Variants in CAMK4 observed in about 807,000 individuals in gnomAD.
The protein encoded by CAMK4 is calcium/calmodulin-dependent protein kinase type IV.
CAMK4 carries 22 observed loss-of-function variants against 44.9 expected under a neutral mutation model. That is an observed-to-expected ratio of 0.49 (90% CI 0.35 to 0.70). The LOEUF (loss-of-function observed/expected upper bound fraction) is 0.70, where lower values mean the gene tolerates loss of function less well. CAMK4 is among the 30% of genes least tolerant of loss of function. The pLI, the probability that CAMK4 is intolerant of heterozygous loss-of-function variation, is 0.01. For missense variants in CAMK4, 498 were observed against 586.8 expected (o/e 0.85, Z 1.56); for synonymous variants, 218 against 215.4 (o/e 1.01, Z -0.11).
chr5:111,430,961 T>C (rs1332857436), intron 5 of CAMK4, among the ~76,000 whole-genome samples: 1 of 152,000 alleles, frequency 6.6e-6, no homozygotes, highest in Non-Finnish European at 1.5e-5. Flanking sequence ...ACTCCTAAAT[T>C]TTATATGGAA....
chr5:111,318,629 C>T (rs745917121), intron 1 of CAMK4, among the ~76,000 whole-genome samples: 1 of 152,132 alleles, frequency 6.6e-6, no homozygotes, highest in Non-Finnish European at 1.5e-5. Flanking sequence ...AGCAGTGCCA[C>T]TTCTAATTCT....
At chr5:111,316,373 C>G (rs1748424128) in intron 1 of CAMK4, among the ~76,000 whole-genome samples, 1 of 152,182 alleles carries the variant, frequency 6.6e-6, no homozygotes, top group South Asian at 2.1e-4. Context: ...ACTCCACAGA[C>G]ATTTGCCCAG....
At chr5:111,356,801 A>G (rs896648305) in intron 2 of CAMK4, among the ~76,000 whole-genome samples, 4 of 152,168 alleles carry the variant, frequency 2.6e-5, no homozygotes, top group Non-Finnish European at 4.4e-5. Flanking sequence ...TTTGTCAAAG[A>G]TCAGATAGTT....
chr5:111,293,894 C>T (rs1747380871), intron 1 of CAMK4, among the ~76,000 whole-genome samples: 1 of 151,722 alleles, frequency 6.6e-6, no homozygotes, highest in Non-Finnish European at 1.5e-5. Flanking sequence ...CTACAGGTGC[C>T]CGCCACCATG....
At chr5:111,262,172 T>C (rs993957000) in intron 1 of CAMK4, among the ~76,000 whole-genome samples, 1 of 115,996 alleles carries the variant, frequency 8.6e-6, no homozygotes, top group Non-Finnish European at 1.8e-5. Flanking sequence ...CTAGACTAGC[T>C]AAACGGGCAA....
chr5:111,317,898 T>TAAAGAAAAAAAA (rs1748495492), intron 1 of CAMK4, among the ~76,000 whole-genome samples: 1 of 69,820 alleles, frequency 1.4e-5, no homozygotes, highest in Non-Finnish European at 2.6e-5. Flanking sequence ...GAGTAATATG[T>TAAAGAAAAAAAA]AAAAAAAAAA....
Position 111,267,416 on chromosome 5 carries a change from A to G in CAMK4, c.161+42772A>G, listed in dbSNP as rs144073783. On this transcript the variant is annotated intron_variant, in intron 1 of 10. Coordinates refer to ENST00000282356, the MANE Select transcript of CAMK4 (RefSeq NM_001744.6). ...TATTACATCTGTGTTTTCCTTCTAC[A>G]TTAAGAATTTTCATTCTGGGCCGGG... 4.5e-3 allele frequency among the ~76,000 whole-genome samples: 687 copies of G among 152,290 alleles called. 5 individuals are homozygous for G. Among genetic ancestry groups the G allele is most frequent in the African/African-American group, 0.016 (646 of 41,558 alleles).
intron 5 of CAMK4, among the ~76,000 whole-genome samples, chr5:111,432,622 GTA>G (rs766902820): frequency 8.4e-5 from 12 of 142,194 alleles, no homozygotes; most frequent in South Asian, 6.5e-4. Context: ...ATATGTGTGT[GTA>G]TATATATATA....
chr5:111,449,097 T>C (rs1561494619), intron 6 of CAMK4, 32 bp from the exon 7 acceptor site: 1 of 898,268 alleles, frequency 1.1e-6, no homozygotes, highest in Non-Finnish European at 1.8e-6. Context: ...TGAGAAGACG[T>C]GCTTCATTAA....
At chr5:111,280,301 T>G (rs1750956983) in intron 1 of CAMK4, among the ~76,000 whole-genome samples, 1 of 152,214 alleles carries the variant, frequency 6.6e-6, no homozygotes, top group Non-Finnish European at 1.5e-5. Flanking sequence ...TTACAGATTT[T>G]TATATAAAGA....
chr5:111,320,924 T>C (rs1357297863), intron 1 of CAMK4, among the ~76,000 whole-genome samples: 2 of 152,358 alleles, frequency 1.3e-5, no homozygotes, highest in Middle Eastern at 3.4e-3. Flanking sequence ...TGGTTTTAGC[T>C]TTTCTCTTTT....
At chr5:111,430,738 T>C (rs983255128) in intron 5 of CAMK4, among the ~76,000 whole-genome samples, 2 of 151,960 alleles carry the variant, frequency 1.3e-5, no homozygotes, top group African/African-American at 4.8e-5. Flanking sequence ...AGCTGGAAAC[T>C]TACCCAAGGA....
Position 111,436,519 on chromosome 5 carries a change from G to A in CAMK4, c.460-10167G>A, listed in dbSNP as rs56403697. On this transcript the variant is annotated intron_variant, in intron 5 of 10. Transcript: ENST00000282356. ...AGCAAGTATTTTCCAGCAAAATGAT[G>A]CTTCATTCTGAGACTTCTGGGCCAT... Among the ~76,000 whole-genome samples the A allele has an allele frequency of 6.9e-3, 1,043 of 152,252 alleles. 9 individuals carry two copies. The highest frequency in any genetic ancestry group is 0.024 in the African/African-American group (981 of 41,550).
At chr5:111,318,913 T>C (rs1371819545) in intron 1 of CAMK4, among the ~76,000 whole-genome samples, 1 of 152,164 alleles carries the variant, frequency 6.6e-6, no homozygotes, top group East Asian at 1.9e-4. Context: ...GGATTCTTTG[T>C]TGTATTTTTA....
At chr5:111,463,447 T>G (rs541508732) in intron 7 of CAMK4, among the ~76,000 whole-genome samples, 2 of 152,248 alleles carry the variant, frequency 1.3e-5, no homozygotes, top group African/African-American at 4.8e-5. Context: ...TCTTGGGAGC[T>G]CTAGGCTCTA....
At chr5:111,225,560 T>C (rs1748148884) in intron 1 of CAMK4, among the ~76,000 whole-genome samples, 2 of 152,248 alleles carry the variant, frequency 1.3e-5, no homozygotes, top group South Asian at 4.1e-4. Context: ...AATCTGAAGA[T>C]GTAATTTCAA....
At chr5:111,327,093 G>T (rs1297632210) in intron 1 of CAMK4, among the ~76,000 whole-genome samples, 1 of 151,512 alleles carries the variant, frequency 6.6e-6, no homozygotes, top group African/African-American at 2.4e-5. Flanking sequence ...GTGCCATGCT[G>T]GTGTGCTGCA....
chr5:111,232,149 T>C (rs1054864137), intron 1 of CAMK4, among the ~76,000 whole-genome samples: 11 of 152,180 alleles, frequency 7.2e-5, no homozygotes, highest in African/African-American at 9.6e-5. Flanking sequence ...GCAGTGTGCA[T>C]GTGGTGGGGT....
In CAMK4 at chr5:111,313,414, C is replaced by G. The variant is rs77658387; in HGVS notation, c.162-30610C>G. On this transcript the variant is annotated intron_variant, in intron 1 of 10. Transcript: ENST00000282356. ...TGTTACCTTTTAATATGTCCTTATA[C>G]TTAAGAAATATGAATATCCACACAA... Among the ~76,000 whole-genome samples, 668 of 152,152 alleles carry G rather than the reference C, an allele frequency of 4.4e-3. 10 individuals carry two copies. The highest frequency in any genetic ancestry group is 0.015 in the African/African-American group (634 of 41,522).
Sources: gnomAD v4.1 joint callset for allele counts (sites outside exome capture counted in the v4.1 genomes callset) on GRCh38, gnomAD v4.1.1 for gene constraint, MANE v1.5 for transcripts, NCBI Gene and HGNC (gene_info 2026-07-23, HGNC 2026-07-21) for gene names.